PDCD7: variants seen among roughly 807,000 people sequenced by gnomAD.
PDCD7 encodes the protein programmed cell death 7, also known as programmed cell death protein 7.
Under a neutral mutation model 42.1 loss-of-function variants are expected in PDCD7, and 40 were observed. The ratio of observed to expected loss-of-function variants is 0.95; its 90% CI spans 0.74 to 1.24. The LOEUF (loss-of-function observed/expected upper bound fraction) is 1.24, where lower values mean the gene tolerates loss of function less well. Among genes scored for constraint, PDCD7 ranks in the 50% most tolerant of loss-of-function variants. PDCD7 has a pLI of 0.00. For synonymous variants in PDCD7, 299 were observed against 303.3 expected, an observed-to-expected ratio of 0.99 and a Z score of 0.15; for missense variants, 644 against 662.8, an observed-to-expected ratio of 0.97 and a Z score of 0.31.
intron 1 of PDCD7, among the ~76,000 whole-genome samples, chr15:65,131,199 G>C (rs150003250): frequency 6.6e-6 from 1 of 152,278 alleles, no homozygotes; most frequent in Non-Finnish European, 1.5e-5. Flanking sequence ...TCTCATAGGA[G>C]CACAAAGAAG....
intron 1 of PDCD7, among the ~76,000 whole-genome samples, chr15:65,130,513 G>T (rs1384568658): frequency 6.6e-6 from 1 of 152,130 alleles, no homozygotes; most frequent in African/African-American, 2.4e-5. Flanking sequence ...CACCATGGGT[G>T]GTGGAGAGAA....
In PDCD7 at chr15:65,129,258, T is replaced by C. The variant is rs2087520675; in HGVS notation, c.871-88A>G. On this transcript the variant is annotated intron_variant, in intron 1 of 4. Coordinates refer to ENST00000204549, the MANE Select transcript of PDCD7 (RefSeq NM_005707.2). ...TGCCCAGTGGTTAGATTTTAAAGGA[T>C]CAGACAGTCTCCAGGTTAAGAGAGA... is the stretch of plus-strand genomic sequence containing the variant. The C allele has an allele frequency of 7.1e-6, 10 of 1,412,214 alleles. No homozygotes were observed. The South Asian group carries it at 1.2e-4, about 18-fold the overall frequency. 87.5% of individuals were successfully genotyped at this position (1,412,214 alleles called of 1,614,324 possible).
chr15:65,129,267 C>G, intron 1 of PDCD7, 97 bp from the exon 2 acceptor site: 2 of 1,359,620 alleles, frequency 1.5e-6, no homozygotes, highest in Non-Finnish European at 2.0e-6. Flanking sequence ...ATCAGACAGT[C>G]TCCAGGTTAA....
At chr15:65,127,953 TACC>T (rs2087509777) in intron 2 of PDCD7, among the ~76,000 whole-genome samples, 1 of 152,100 alleles carries the variant, frequency 6.6e-6, no homozygotes, top group Admixed American at 6.5e-5. Context: ...GCCCTGAGAG[TACC>T]ACAATGGAGG....
rs61751112 is a variant in PDCD7 at position 65,119,371 on chromosome 15, C to T, written c.1334+5G>A. The T allele has an allele frequency of 6.2e-7, 1 of 1,608,682 alleles. No individual in the cohort carries two copies. The highest frequency in any genetic ancestry group is 8.5e-7 in the Non-Finnish European group (1 of 1,175,236). On this transcript the variant is annotated splice_donor_5th_base_variant and intron_variant, in intron 4 of 4. Transcript: ENST00000204549. ...AAGACAACATGGAGAGCCAGCCCCT[C>T]TGACCTGATCTGGATGAGCGCTGGC...
At chr15:65,130,898 C>T (rs141578677) in intron 1 of PDCD7, among the ~76,000 whole-genome samples, 2 of 152,186 alleles carry the variant, frequency 1.3e-5, no homozygotes, top group African/African-American at 2.4e-5. Flanking sequence ...GGAAGCATTC[C>T]CTCAGTAAAT....
At chr15:65,121,053 C>CTT (rs767625477) in intron 2 of PDCD7, among the ~76,000 whole-genome samples, 16 of 130,142 alleles carry the variant, frequency 1.2e-4, no homozygotes, top group Non-Finnish European at 2.1e-4. Context: ...GACTTTCTTT[C>CTT]TTTTTTTTTT....
intron 2 of PDCD7, among the ~76,000 whole-genome samples, chr15:65,126,719 A>G (rs1018015097): frequency 6.6e-6 from 1 of 151,042 alleles, no homozygotes; most frequent in African/African-American, 2.4e-5. Flanking sequence ...GCACCACTGC[A>G]CTTCGGCTTG....
At chr15:65,125,958 G>C (rs545687073) in intron 2 of PDCD7, among the ~76,000 whole-genome samples, 27 of 152,288 alleles carry the variant, frequency 1.8e-4, no homozygotes, top group African/African-American at 6.5e-4. Context: ...GCGTGTGCAA[G>C]GAAACTCTCC....
rs184988732 is a variant in PDCD7 at position 65,128,426 on chromosome 15, A to C, written c.1009+606T>G. 1.5e-3 allele frequency among the ~76,000 whole-genome samples: 225 copies of C among 152,316 alleles called. 6 individuals carry two copies. The highest frequency in any genetic ancestry group is 0.014 in the Admixed American group (221 of 15,298). Reference sequence around the variant, plus strand: ...ATCCAGACAGGCAAATGGAAAGCACAATTGGGTAACTTCTAGAAAGCCAGC... The same window carrying C: ...ATCCAGACAGGCAAATGGAAAGCACCATTGGGTAACTTCTAGAAAGCCAGC... On this transcript the variant is annotated intron_variant, in intron 2 of 4. Coordinates refer to ENST00000204549, the MANE Select transcript of PDCD7 (RefSeq NM_005707.2).
At position 65,133,125 on chromosome 15, in the gene PDCD7, C is replaced by T; in HGVS notation, c.657G>A (p.Leu219=). The T allele has an allele frequency of 6.5e-7, 1 of 1,539,834 alleles. No homozygotes were observed. Among genetic ancestry groups the T allele is most frequent in the South Asian group, 1.2e-5 (1 of 84,678 alleles). The change falls in exon 1 of 5, where the codon CTG becomes CTA. Residue 219 remains leucine, a synonymous_variant. Coordinates refer to ENST00000204549, the MANE Select transcript of PDCD7 (RefSeq NM_005707.2). The stretch of plus-strand genomic sequence containing the variant: ...GGGTCAACGGCTGTAGCCGCTCGGC[C>T]AGTTCCGCGCGCAGCGGCGCGGTCT... The part of the protein sequence containing the change: ...YSQTAPLRAE[L]AERLQPLTQA...
chr15:65,128,069 C>T (rs1017933294), intron 2 of PDCD7, among the ~76,000 whole-genome samples: 2 of 152,212 alleles, frequency 1.3e-5, no homozygotes, highest in Non-Finnish European at 2.9e-5. Context: ...ACAAAATGGT[C>T]ATATTCCAAC....
chr15:65,127,712 G>C (rs1310523424), intron 2 of PDCD7, among the ~76,000 whole-genome samples: 1 of 152,160 alleles, frequency 6.6e-6, no homozygotes, highest in African/African-American at 2.4e-5. Flanking sequence ...CACAAAGTCT[G>C]TTTATTTCTA....
chr15:65,119,423 C>G lies in PDCD7; in HGVS notation c.1287G>C (p.Gln429His), dbSNP rs145137866. 1.4e-4 allele frequency: 219 copies of G among 1,614,022 alleles called. No individual in the cohort carries two copies. In the African/African-American group the frequency reaches 2.6e-3, roughly 19 times the overall value. Residue 429 changes from glutamine (Q) to histidine (H), a missense_variant, in exon 4 of 5, where the codon CAG becomes CAC. By Grantham distance (24) the Gln-to-His change is conservative (BLOSUM62 0). Coordinates refer to ENST00000204549, the MANE Select transcript of PDCD7 (RefSeq NM_005707.2). Reference protein sequence around the residue: ...PLAHLLEPFRQYYLQAEHSLP... With the variant: ...PLAHLLEPFRHYYLQAEHSLP... ...GGGAGTGCTCGGCTTGGAGATAATA[C>G]TGTCGGAAAGGCTCCAAGAGGTGAG...
rs2087417098 is a variant in PDCD7 at position 65,117,555 on chromosome 15, G to T, written c.*1162C>A. 1 of 151,240 alleles carries T rather than the reference G, an allele frequency of 6.6e-6. No individual in the cohort carries two copies. 9.4% of individuals were successfully genotyped at this position (151,240 alleles called of 1,614,324 possible). On this transcript the variant is annotated 3_prime_UTR_variant, in exon 5 of 5. Coordinates refer to ENST00000204549, the MANE Select transcript of PDCD7 (RefSeq NM_005707.2). ...TTTTACTTTTTTTTTTTTTGAGACG[G>T]AGTCTTGCTCTGTCTCCCAGGCTGG...
At chr15:65,120,099 G>A (rs951768516) in intron 2 of PDCD7, 145 bp from the exon 3 acceptor site, 47 of 791,386 alleles carry the variant, frequency 5.9e-5, no homozygotes, top group Non-Finnish European at 8.9e-5. Flanking sequence ...TCCCACCTTG[G>A]CTTCCCAAGT....
chr15:65,119,057 T>A, intron 4 of PDCD7: 2 of 460,852 alleles, frequency 4.3e-6, no homozygotes, highest in Non-Finnish European at 7.6e-6. Flanking sequence ...GATAACCAAA[T>A]AACAAATAAA....
At chr15:65,128,882 G>C in intron 2 of PDCD7, 150 bp downstream of exon 2, 1 of 867,706 alleles carries the variant, frequency 1.2e-6, no homozygotes, top group Non-Finnish European at 1.8e-6. Context: ...TGCTTCAGAA[G>C]TTCTGACCTA....
At chr15:65,130,445 C>T (rs1282029439) in intron 1 of PDCD7, among the ~76,000 whole-genome samples, 11 of 151,962 alleles carry the variant, frequency 7.2e-5, no homozygotes, top group Non-Finnish European at 1.5e-4. Flanking sequence ...GGCATGACCA[C>T]GGCGCCCAGC....
Sources: allele counts gnomAD v4.1 joint callset (sites outside exome capture counted in the v4.1 genomes callset), GRCh38; gene constraint gnomAD v4.1.1; transcripts MANE v1.5; gene names NCBI Gene and HGNC (gene_info 2026-07-23, HGNC 2026-07-21).